The following LNPK variants were observed in gnomAD, a reference collection of about 807,000 sequenced individuals.
LNPK encodes the protein endoplasmic reticulum junction formation protein lunapark.
LNPK carries 29 observed loss-of-function variants against 55.2 expected under a neutral mutation model. That is an observed-to-expected ratio of 0.53 (90% CI 0.39 to 0.72). The LOEUF is 0.72. LNPK is among the 30% of genes least tolerant of loss of function. The pLI is 0.00. For missense variants in LNPK, 467 were observed against 494.8 expected (o/e 0.94, Z 0.53); for synonymous variants, 162 against 168.2 (o/e 0.96, Z 0.29).
chr2:175,955,990 A>AT (rs933621590), intron 8 of LNPK, among the ~76,000 whole-genome samples: 2 of 152,056 alleles, frequency 1.3e-5, no homozygotes, highest in African/African-American at 4.8e-5. Flanking sequence ...TCAGTTAAGG[A>AT]TTTTTTAGGC....
Position 175,944,407 on chromosome 2 carries a change from TAAC to T in LNPK, c.706+3070_706+3072del, listed in dbSNP as rs756438489. On this transcript the variant is annotated intron_variant, in intron 9 of 12. Coordinates refer to ENST00000272748, the MANE Select transcript of LNPK (RefSeq NM_030650.3). ...TAATTTTTATTTTATATAAAAATAA[TAAC>T]AAAAATAAAGAGTTACACATTCAAA... Among the ~76,000 whole-genome samples, 22 of 151,956 alleles carry T rather than the reference TAAC, an allele frequency of 1.4e-4. No homozygotes were observed. The South Asian group carries it at 1.7e-3, about 11-fold the overall frequency.
chr2:175,951,449 ATGAG>A (rs1373195851), intron 8 of LNPK, among the ~76,000 whole-genome samples: 1 of 151,576 alleles, frequency 6.6e-6, no homozygotes, highest in African/African-American at 2.4e-5. Flanking sequence ...GCTGCCACTT[ATGAG>A]TGAGAACATA....
chr2:175,950,123 C>T (rs888503007), intron 8 of LNPK, among the ~76,000 whole-genome samples: 3 of 151,962 alleles, frequency 2.0e-5, no homozygotes, highest in East Asian at 1.9e-4. Context: ...AATTCTCAAC[C>T]GTAGTATGTT....
intron 8 of LNPK, among the ~76,000 whole-genome samples, chr2:175,955,175 C>T (rs1356502350): frequency 2.6e-5 from 4 of 152,166 alleles, no homozygotes; most frequent in East Asian, 1.9e-4. Flanking sequence ...TTTCAACAAA[C>T]GGGAGCAGAG....
chr2:175,978,520 T>C (rs2105678353), intron 5 of LNPK, among the ~76,000 whole-genome samples: 1 of 152,232 alleles, frequency 6.6e-6, no homozygotes, highest in African/African-American at 2.4e-5. Context: ...TTTGGTTAGA[T>C]TTGATTGTTG....
chr2:175,933,155 A>T (rs1382026103), intron 12 of LNPK, among the ~76,000 whole-genome samples: 1 of 152,066 alleles, frequency 6.6e-6, no homozygotes, highest in African/African-American at 2.4e-5. Context: ...TATTCTTGAG[A>T]TATTATTATT....
intron 12 of LNPK, among the ~76,000 whole-genome samples, chr2:175,934,464 C>G: frequency 6.6e-6 from 1 of 152,060 alleles, no homozygotes. Flanking sequence ...TCCAATTGGA[C>G]AAAAACTATA....
chr2:175,964,832 G>A (rs1686249033), intron 6 of LNPK, among the ~76,000 whole-genome samples: 1 of 152,234 alleles, frequency 6.6e-6, no homozygotes, highest in East Asian at 1.9e-4. Flanking sequence ...ATAATGAGGA[G>A]AATAATTACA....
chr2:175,962,825 C>G (rs1326190342), intron 8 of LNPK, among the ~76,000 whole-genome samples: 3 of 151,852 alleles, frequency 2.0e-5, no homozygotes. Flanking sequence ...GGCTAATATC[C>G]AGAATCTACA....
intron 2 of LNPK, 48 bp from the exon 3 acceptor site, chr2:175,993,271 C>T (rs1433448706): frequency 3.4e-6 from 4 of 1,173,314 alleles, no homozygotes; most frequent in African/African-American, 3.2e-5. Context: ...TTATCACAAA[C>T]CTTTACATTT....
chr2:175,946,710 TAAC>T (rs749500950), intron 9 of LNPK, among the ~76,000 whole-genome samples: 11 of 152,046 alleles, frequency 7.2e-5, no homozygotes, highest in Non-Finnish European at 1.2e-4. Flanking sequence ...AGTCATGAAA[TAAC>T]AAAGTAATCT....
At chr2:175,960,789 C>T (rs1307458048) in intron 8 of LNPK, among the ~76,000 whole-genome samples, 1 of 151,648 alleles carries the variant, frequency 6.6e-6, no homozygotes, top group Admixed American at 6.6e-5. Flanking sequence ...TTTGAAAAGA[C>T]CAGCAAAATA....
intron 8 of LNPK, among the ~76,000 whole-genome samples, chr2:175,949,442 A>T (rs980353776): frequency 4.6e-5 from 7 of 152,128 alleles, no homozygotes; most frequent in Admixed American, 2.0e-4. Flanking sequence ...AAATACTGTA[A>T]ATCATTTTTC....
chr2:175,983,679 A>T (rs1233008523), intron 4 of LNPK, among the ~76,000 whole-genome samples: 1 of 152,158 alleles, frequency 6.6e-6, no homozygotes, highest in African/African-American at 2.4e-5. Flanking sequence ...TAAGGTTGAA[A>T]ATAAAACCAT....
At position 175,929,450 on chromosome 2, in the gene LNPK, T is replaced by C. The variant is rs969033961; in HGVS notation, c.*517A>G. ...TATTGAGAATTCGTACCAGTGCCTA[T>C]GTGGTAACAACTTTCATACCGCTTA... is the stretch of plus-strand genomic sequence containing the variant. On this transcript the variant is annotated 3_prime_UTR_variant, in exon 13 of 13. Transcript: ENST00000272748. 4 of 986,782 alleles carry C rather than the reference T, an allele frequency of 4.1e-6. No individual in the cohort carries two copies. Among genetic ancestry groups the C allele is most frequent in the Admixed American group, 1.2e-4 (2 of 16,396 alleles). The allele number at this position is 986,782 out of a possible 1,614,324, so 61.1% of individuals were successfully genotyped here.
At chr2:175,935,406 G>C (rs1397376120) in intron 12 of LNPK, among the ~76,000 whole-genome samples, 1 of 151,978 alleles carries the variant, frequency 6.6e-6, no homozygotes, top group African/African-American at 2.4e-5. Flanking sequence ...AAGCCACCGG[G>C]GTTCAAAACA....
chr2:175,979,390 C>G (rs867875889), intron 5 of LNPK, among the ~76,000 whole-genome samples: 3 of 151,954 alleles, frequency 2.0e-5, no homozygotes, highest in African/African-American at 4.8e-5. Context: ...GAAACCCTGT[C>G]TCTATAAAAA....
chr2:175,983,498 T>C (rs1040372735), intron 4 of LNPK, among the ~76,000 whole-genome samples: 1 of 151,888 alleles, frequency 6.6e-6, no homozygotes, highest in Non-Finnish European at 1.5e-5. Context: ...GTTTTAATTA[T>C]AAAAACCAAA....
intron 4 of LNPK, among the ~76,000 whole-genome samples, chr2:175,981,415 A>G (rs1687168266): frequency 6.6e-6 from 1 of 152,196 alleles, no homozygotes; most frequent in Non-Finnish European, 1.5e-5. Context: ...TGAATTTAGG[A>G]GTAGATTAGG....
Sources: gnomAD v4.1 joint callset for allele counts (sites outside exome capture counted in the v4.1 genomes callset) on GRCh38, gnomAD v4.1.1 for gene constraint, MANE v1.5 for transcripts, NCBI Gene and HGNC (gene_info 2026-07-23, HGNC 2026-07-21) for gene names.